The following TCERG1L variants were observed in gnomAD, a reference collection of about 807,000 sequenced individuals.
TCERG1L encodes transcription elongation regulator 1-like protein.
In TCERG1L, 37 loss-of-function variants were observed where a neutral mutation model predicts 56.3. The observed-to-expected ratio is 0.66, with a 90% CI of 0.51 to 0.87. The LOEUF is 0.87. Among genes scored for constraint, TCERG1L ranks in the 40% least tolerant of loss-of-function variants. The pLI is 0.00. For synonymous variants in TCERG1L, 324 were observed against 326.3 expected (o/e 0.99, Z 0.08); for missense variants, 799 against 774.2 (o/e 1.03, Z -0.38).
intron 4 of TCERG1L, among the ~76,000 whole-genome samples, chr10:131,177,370 G>A (rs1845113816): frequency 6.6e-6 from 1 of 152,252 alleles, no homozygotes; most frequent in Non-Finnish European, 1.5e-5. Context: ...GAGGTCTGCT[G>A]CTCTGTGCCC....
chr10:131,186,267 T>C (rs2133457573), intron 4 of TCERG1L, among the ~76,000 whole-genome samples: 1 of 152,278 alleles, frequency 6.6e-6, no homozygotes, highest in Admixed American at 6.5e-5. Flanking sequence ...GAGGAACATG[T>C]TTTGGAAGTA....
intron 6 of TCERG1L, 169 bp downstream of exon 6, chr10:131,162,953 T>G (rs956752104): frequency 7.5e-6 from 4 of 533,124 alleles, no homozygotes; most frequent in Admixed American, 7.4e-5. Flanking sequence ...TTTTTCTTTC[T>G]GCAGAATGTG....
intron 8 of TCERG1L, among the ~76,000 whole-genome samples, chr10:131,125,461 T>A (rs1410512060): frequency 6.6e-6 from 1 of 152,246 alleles, no homozygotes; most frequent in Non-Finnish European, 1.5e-5. Context: ...TCTGCAGGAA[T>A]CAAAGTTTCT....
In TCERG1L at chr10:131,093,091, C is replaced by A; in HGVS notation, c.*71G>T. 1.3e-6 allele frequency: 2 copies of A among 1,548,708 alleles called. No individual in the cohort carries two copies. The highest frequency in any genetic ancestry group is 1.9e-5 in the Admixed American group (1 of 53,112). ...TCGGCCGCCCCACGCCCGTGTCCGT[C>A]TCCACCGTGACCCCCTCGCCCCCGG... On this transcript the variant is annotated 3_prime_UTR_variant, in exon 12 of 12. Coordinates refer to ENST00000368642, the MANE Select transcript of TCERG1L (RefSeq NM_174937.4).
At chr10:131,132,993 C>CCTCG (rs145705115) in intron 8 of TCERG1L, among the ~76,000 whole-genome samples, 6,847 of 152,274 alleles carry the variant, frequency 0.045, 324 homozygotes, top group South Asian at 0.19. Flanking sequence ...TACCTGATCA[C>CCTCG]CTCGCTGGCT....
At chr10:131,173,755 A>T (rs184592049) in intron 4 of TCERG1L, among the ~76,000 whole-genome samples, 2 of 152,354 alleles carry the variant, frequency 1.3e-5, no homozygotes, top group East Asian at 3.9e-4. Context: ...GGGAGCAGAG[A>T]GGCACGGCCT....
intron 11 of TCERG1L, among the ~76,000 whole-genome samples, chr10:131,094,853 C>T (rs1819963583): frequency 1.3e-5 from 2 of 150,000 alleles, no homozygotes; most frequent in Admixed American, 1.3e-4. Flanking sequence ...TTCCACGCTC[C>T]CCTGGCTAGA....
chr10:131,301,786 GAATA>G (rs1475873351), intron 3 of TCERG1L, among the ~76,000 whole-genome samples: 1 of 151,744 alleles, frequency 6.6e-6, no homozygotes, highest in African/African-American at 2.4e-5. Context: ...AATAAAAACA[GAATA>G]AATCAAAAGA....
intron 4 of TCERG1L, among the ~76,000 whole-genome samples, chr10:131,246,720 T>C (rs1846043864): frequency 6.6e-6 from 1 of 151,758 alleles, no homozygotes; most frequent in Non-Finnish European, 1.5e-5. Flanking sequence ...GCAAAGGAGC[T>C]TGGTCCAAAG....
At chr10:131,298,060 T>C (rs546436285) in intron 3 of TCERG1L, among the ~76,000 whole-genome samples, 1 of 152,158 alleles carries the variant, frequency 6.6e-6, no homozygotes, top group Admixed American at 6.5e-5. Flanking sequence ...TAATTTCTGC[T>C]GTTATCTTTA....
chr10:131,226,426 C>T (rs935300816), intron 4 of TCERG1L, among the ~76,000 whole-genome samples: 9 of 152,178 alleles, frequency 5.9e-5, no homozygotes, highest in African/African-American at 1.7e-4. Context: ...TCTCACTCAG[C>T]GGAGCTCTAG....
intron 8 of TCERG1L, among the ~76,000 whole-genome samples, chr10:131,131,902 A>C (rs759508334): frequency 2.0e-5 from 3 of 152,252 alleles, no homozygotes; most frequent in South Asian, 2.1e-4. Context: ...CCCTGGAGGC[A>C]TGTTCTCTAA....
chr10:131,286,863 G>A (rs114065749), intron 3 of TCERG1L, among the ~76,000 whole-genome samples: 11,253 of 152,214 alleles, frequency 0.074, 522 homozygotes, highest in African/African-American at 0.11. Context: ...GTTCCCACAT[G>A]GGAGGCGTTA....
intron 4 of TCERG1L, among the ~76,000 whole-genome samples, chr10:131,203,311 T>G (rs1392668928): frequency 2.6e-5 from 1 of 38,564 alleles, no homozygotes; most frequent in Admixed American, 3.1e-4. Flanking sequence ...TGAGACTCCG[T>G]CTCAAAAAAA....
chr10:131,163,154 T>C lies in TCERG1L; in HGVS notation c.1002A>G (p.Pro334=), dbSNP rs1845994795. The C allele has an allele frequency of 1.3e-6, 2 of 1,579,808 alleles. No homozygotes were observed. Among genetic ancestry groups the C allele is most frequent in the South Asian group, 2.3e-5 (2 of 85,946 alleles). ...GEDSTARGNR[P]VASTPVPGSP... Reference sequence around the variant, plus strand: ...ATCCGGGCACCGGGGTGGAGGCCACTGGCCTGTTGCCTCTGGCTGTGCTGT... The same window carrying C: ...ATCCGGGCACCGGGGTGGAGGCCACCGGCCTGTTGCCTCTGGCTGTGCTGT... Residue 334 remains proline, a synonymous_variant, in exon 6 of 12, where the codon CCA becomes CCG. Coordinates refer to ENST00000368642, the MANE Select transcript of TCERG1L (RefSeq NM_174937.4).
At chr10:131,309,344 T>A in intron 1 of TCERG1L, 45 bp from the exon 2 acceptor site, 3 of 1,556,066 alleles carry the variant, frequency 1.9e-6, no homozygotes, top group Non-Finnish European at 2.6e-6. Context: ...CCTGAATCCA[T>A]CCACTCGACT....
At chr10:131,195,112 C>A (rs935309558) in intron 4 of TCERG1L, among the ~76,000 whole-genome samples, 3 of 152,048 alleles carry the variant, frequency 2.0e-5, no homozygotes, top group Non-Finnish European at 4.4e-5. Flanking sequence ...CTTATAAGCA[C>A]GAGGAACAGA....
chr10:131,301,867 A>G (rs1450208221), intron 3 of TCERG1L, among the ~76,000 whole-genome samples: 1 of 152,164 alleles, frequency 6.6e-6, no homozygotes, highest in Non-Finnish European at 1.5e-5. Flanking sequence ...AATCAAATAT[A>G]AAGATGCTAA....
At chr10:131,234,416 A>G (rs1845890396) in intron 4 of TCERG1L, among the ~76,000 whole-genome samples, 1 of 152,208 alleles carries the variant, frequency 6.6e-6, no homozygotes, top group Admixed American at 6.5e-5. Flanking sequence ...TCTCAAAATG[A>G]TGGAATGCAA....
Sources: allele counts gnomAD v4.1 joint callset (sites outside exome capture counted in the v4.1 genomes callset), GRCh38; gene constraint gnomAD v4.1.1; transcripts MANE v1.5; gene names NCBI Gene and HGNC (gene_info 2026-07-23, HGNC 2026-07-21).